Variants in ABCC4 observed in about 807,000 individuals in gnomAD.
ABCC4 encodes ATP-binding cassette sub-family C member 4.
In ABCC4, 102 loss-of-function variants were observed where a neutral mutation model predicts 168.5. The observed-to-expected ratio is 0.61, with a 90% confidence interval of 0.52 to 0.71. ABCC4 has a LOEUF of 0.71. Ranked by LOEUF, ABCC4 falls within the 30% of genes least tolerant of loss-of-function variation. The probability of loss-of-function intolerance (pLI) is 0.00; values close to 1 mark genes in which losing one functional copy is unlikely to be tolerated. For synonymous variants in ABCC4, 617 were observed against 590.7 expected (o/e 1.04, Z -0.65); for missense variants, 1,402 against 1,605.8 (o/e 0.87, Z 2.17).
intron 19 of ABCC4, among the ~76,000 whole-genome samples, chr13:95,129,482 G>A (rs1005787410): frequency 6.6e-6 from 1 of 152,138 alleles, no homozygotes; most frequent in Non-Finnish European, 1.5e-5. Context: ...AAATTCTCTT[G>A]TGGCATAGTA....
chr13:95,060,106 A>G (rs184627283), intron 26 of ABCC4, among the ~76,000 whole-genome samples: 9 of 152,308 alleles, frequency 5.9e-5, no homozygotes, highest in South Asian at 2.1e-4. Flanking sequence ...CCTCTAGACT[A>G]TGTTTCTTTT....
At chr13:95,284,385 C>T (rs538733924) in intron 1 of ABCC4, among the ~76,000 whole-genome samples, 163 of 152,278 alleles carry the variant, frequency 1.1e-3, no homozygotes, top group Non-Finnish European at 1.8e-3. Context: ...ACAAGAGTTT[C>T]ACCATGTTGC....
chr13:95,247,178 C>T, intron 2 of ABCC4, 83 bp from the exon 3 acceptor site: 3 of 1,441,942 alleles, frequency 2.1e-6, no homozygotes, highest in East Asian at 2.3e-5. Context: ...GACAGGTATG[C>T]ATTTAAGACA....
rs112962192 is a variant in ABCC4 at position 95,174,520 on chromosome 13, C to A, written c.1727+3187G>T. Among the ~76,000 whole-genome samples, 532 of 152,348 alleles carry A rather than the reference C, an allele frequency of 3.5e-3. 5 individuals are homozygous for A. Among genetic ancestry groups the A allele is most frequent in the African/African-American group, 0.012 (501 of 41,580 alleles). On this transcript the variant is annotated intron_variant, in intron 13 of 30. Transcript: ENST00000645237. ...TCTGATTAGCAAACAACAATTTTAACAAGCTTGCTTCTAACAAGCATATAT... is the reference window on the plus strand; with the variant it reads ...TCTGATTAGCAAACAACAATTTTAAAAAGCTTGCTTCTAACAAGCATATAT...
At chr13:95,111,896 G>GGGTT (rs1466780029) in intron 20 of ABCC4, among the ~76,000 whole-genome samples, 1 of 151,976 alleles carries the variant, frequency 6.6e-6, no homozygotes, top group Non-Finnish European at 1.5e-5. Flanking sequence ...CACAAGCAGA[G>GGGTT]GGTTCTCCTC....
intron 11 of ABCC4, among the ~76,000 whole-genome samples, chr13:95,178,648 G>A (rs929209578): frequency 2.0e-5 from 3 of 152,156 alleles, no homozygotes; most frequent in Non-Finnish European, 4.4e-5. Flanking sequence ...GGGGTGATAC[G>A]TGCCCAAGGT....
intron 3 of ABCC4, 96 bp from the exon 4 acceptor site, chr13:95,234,930 AC>A: frequency 1.1e-6 from 1 of 907,284 alleles, no homozygotes; most frequent in Non-Finnish European, 1.6e-6. Flanking sequence ...TTGCTCTGTC[AC>A]CCATGCTGGA....
At chr13:95,118,255 A>AT (rs11285457) in intron 19 of ABCC4, among the ~76,000 whole-genome samples, 9 of 143,900 alleles carry the variant, frequency 6.3e-5, no homozygotes, top group East Asian at 2.0e-4. Flanking sequence ...AAAAGTTTTA[A>AT]TTTTTTTTTT....
chr13:95,124,376 C>T lies in ABCC4; in HGVS notation c.2456-8375G>A, dbSNP rs1594135563. Among the ~76,000 whole-genome samples, 2 of 151,988 alleles carry T rather than the reference C, an allele frequency of 1.3e-5. 1 individual carries two copies. Among genetic ancestry groups the T allele is most frequent in the South Asian group, 4.2e-4 (2 of 4,806 alleles). On this transcript the variant is annotated intron_variant, in intron 19 of 30. Transcript: ENST00000645237. ...TTTTTTCCTGAGGGTCATCTTGGTTCATTCACTCATGATTGGAGATGTCAT... is the reference window on the plus strand; with the variant it reads ...TTTTTTCCTGAGGGTCATCTTGGTTTATTCACTCATGATTGGAGATGTCAT...
In ABCC4 at chr13:95,232,177, G is replaced by C. The variant is rs369896944; in HGVS notation, c.531+2433C>G. ...GTGGTGATGATGATGAAGACCCCTT[G>C]ACTAGTGTGTACAAGCCTTGTTATC... is the stretch of plus-strand genomic sequence containing the variant. On this transcript the variant is annotated intron_variant, in intron 4 of 30. Coordinates refer to ENST00000645237, the MANE Select transcript of ABCC4 (RefSeq NM_005845.5). Among the ~76,000 whole-genome samples, 153 of 151,148 alleles carry C rather than the reference G, an allele frequency of 1.0e-3. 1 individual carries two copies. Among genetic ancestry groups the C allele is most frequent in the Middle Eastern group, 6.8e-3 (2 of 294 alleles).
chr13:95,088,321 C>T (rs1359918850), intron 20 of ABCC4, among the ~76,000 whole-genome samples: 3 of 152,100 alleles, frequency 2.0e-5, no homozygotes, highest in Non-Finnish European at 4.4e-5. Flanking sequence ...AAGTTTTAAC[C>T]CACTTATCTT....
intron 20 of ABCC4, among the ~76,000 whole-genome samples, chr13:95,088,017 C>T (rs1212171848): frequency 6.6e-6 from 1 of 152,210 alleles, no homozygotes; most frequent in African/African-American, 2.4e-5. Context: ...TTTCATCCCT[C>T]ATATGCTAAT....
chr13:95,257,433 C>T (rs1195388892), intron 1 of ABCC4, among the ~76,000 whole-genome samples: 1 of 152,008 alleles, frequency 6.6e-6, no homozygotes, highest in African/African-American at 2.4e-5. Context: ...TTTGGGAGGC[C>T]GAGGCGGGTG....
chr13:95,254,099 T>C (rs2040336427), intron 1 of ABCC4, among the ~76,000 whole-genome samples: 2 of 152,268 alleles, frequency 1.3e-5, no homozygotes, highest in Admixed American at 6.5e-5. Flanking sequence ...AGTCTCATTA[T>C]ATTGCCCAGG....
intron 4 of ABCC4, among the ~76,000 whole-genome samples, chr13:95,214,834 C>T (rs142554904): frequency 0.011 from 1,589 of 143,166 alleles, 12 homozygotes; most frequent in South Asian, 0.033. Flanking sequence ...TGCAGTGAGC[C>T]GAGATCGCGC....
intron 1 of ABCC4, among the ~76,000 whole-genome samples, chr13:95,261,654 T>A (rs1030784045): frequency 2.0e-5 from 3 of 152,148 alleles, no homozygotes; most frequent in Non-Finnish European, 2.9e-5. Context: ...ATAAACCTTA[T>A]ATACAGAGTT....
chr13:95,253,632 C>T (rs1413287945), intron 1 of ABCC4, among the ~76,000 whole-genome samples: 1 of 151,934 alleles, frequency 6.6e-6, no homozygotes, highest in African/African-American at 2.4e-5. Flanking sequence ...GTAATCCCAG[C>T]TACTCGGGAG....
At chr13:95,075,332 G>A in intron 22 of ABCC4, 100 bp downstream of exon 22, 1 of 1,510,618 alleles carries the variant, frequency 6.6e-7, no homozygotes, top group South Asian at 1.2e-5. Context: ...GTGGGGCTGG[G>A]CCCTGAGGTG....
chr13:95,119,220 G>A (rs2139420303), intron 19 of ABCC4, among the ~76,000 whole-genome samples: 1 of 152,280 alleles, frequency 6.6e-6, no homozygotes, highest in South Asian at 2.1e-4. Context: ...CCTGCATGAT[G>A]GCACAGGTAG....
Sources: allele counts gnomAD v4.1 joint callset (sites outside exome capture counted in the v4.1 genomes callset), GRCh38; gene constraint gnomAD v4.1.1; transcripts MANE v1.5; gene names NCBI Gene and HGNC (gene_info 2026-07-23, HGNC 2026-07-21).